AGBL1: variants seen among roughly 807,000 people sequenced by gnomAD.
AGBL1 encodes the protein cytosolic carboxypeptidase 4.
Under a neutral mutation model 118.9 loss-of-function variants are expected in AGBL1, and 130 were observed. The observed-to-expected ratio is 1.09, with a 90% CI of 0.95 to 1.26. The LOEUF is 1.26. Ranked by LOEUF, AGBL1 falls within the 50% of genes most tolerant of loss-of-function variation. The probability of loss-of-function intolerance (pLI) is 0.00; values close to 1 mark genes in which losing one functional copy is unlikely to be tolerated. For missense variants in AGBL1, 1,584 were observed against 1,298.1 expected, an observed-to-expected ratio of 1.22 and a Z score of -3.38; for synonymous variants, 555 against 478.9, an observed-to-expected ratio of 1.16 and a Z score of -2.08.
chr15:86,680,556 C>G (rs796451349), intron 22 of AGBL1, among the ~76,000 whole-genome samples: 2 of 122,124 alleles, frequency 1.6e-5, no homozygotes, highest in Admixed American at 1.7e-4. Flanking sequence ...TTCTTTCTTT[C>G]TTTCTTTTCT....
rs770144971 is a variant in AGBL1 at position 86,352,764 on chromosome 15, G to T, written c.2375-44602G>T. 2.0e-5 allele frequency among the ~76,000 whole-genome samples: 3 copies of T among 152,120 alleles called. No individual in the cohort carries two copies. In the South Asian group the frequency reaches 6.2e-4, roughly 32 times the overall value. On this transcript the variant is annotated intron_variant, in intron 17 of 22. Coordinates refer to ENST00000614907, the MANE Select transcript of AGBL1 (RefSeq NM_001386094.1). ...GCCTCCCAAAGTGCTGGGATTACAGGCTTGAGCCACCATGCCCAGCCACTT... is the reference window on the plus strand; with the variant it reads ...GCCTCCCAAAGTGCTGGGATTACAGTCTTGAGCCACCATGCCCAGCCACTT...
At chr15:87,017,022 A>C (rs2081613692) in intron 24 of AGBL1, among the ~76,000 whole-genome samples, 1 of 152,142 alleles carries the variant, frequency 6.6e-6, no homozygotes, top group South Asian at 2.1e-4. Context: ...AGCTAAATCC[A>C]GGGAGCTGAG....
chr15:86,464,580 C>A (rs2082376160), intron 18 of AGBL1, among the ~76,000 whole-genome samples: 2 of 152,130 alleles, frequency 1.3e-5, no homozygotes, highest in Admixed American at 6.5e-5. Context: ...GTGGGTTTGT[C>A]ATAAATAGCT....
At chr15:86,532,166 A>C (rs1259050805) in intron 19 of AGBL1, among the ~76,000 whole-genome samples, 4 of 149,916 alleles carry the variant, frequency 2.7e-5, no homozygotes, top group Admixed American at 2.6e-4. Context: ...GAGGAAGTCA[A>C]ATTGTCCCTG....
intron 23 of AGBL1, among the ~76,000 whole-genome samples, chr15:86,922,342 G>A (rs1855654439): frequency 6.6e-6 from 1 of 152,224 alleles, no homozygotes; most frequent in African/African-American, 2.4e-5. Context: ...CCAGGCTGGA[G>A]TGCAATGGCA....
downstream of AGBL1, among the ~76,000 whole-genome samples, chr15:87,030,227 A>G (rs571075064): frequency 1.3e-5 from 2 of 152,104 alleles, no homozygotes; most frequent in South Asian, 4.1e-4. Context: ...CAGAAATCTT[A>G]TGGTGGGCAT....
intron 18 of AGBL1, among the ~76,000 whole-genome samples, chr15:86,421,590 C>T (rs1343358603): frequency 6.6e-6 from 1 of 152,150 alleles, no homozygotes; most frequent in Non-Finnish European, 1.5e-5. Flanking sequence ...GGATCAAATT[C>T]ACACATAACA....
chr15:86,489,777 A>T (rs957923514), intron 18 of AGBL1, among the ~76,000 whole-genome samples: 5 of 151,920 alleles, frequency 3.3e-5, no homozygotes, highest in African/African-American at 1.2e-4. Context: ...AAGTTTGCTG[A>T]CCTCTGGTCT....
In AGBL1 at chr15:86,247,727, C is replaced by T. The variant is rs1334839340; in HGVS notation, c.583C>T (p.His195Tyr). ...RGYVTSLLGL[H>Y]QDWHSHDTAN... ...CTACGTCACCAGCCTGCTCGGGCTG[C>T]ACCAGGACTGGCACAGCCATGACAC... is the stretch of plus-strand genomic sequence containing the variant. Residue 195 changes from histidine to tyrosine, a missense_variant, in exon 7 of 23, where the codon CAC becomes TAC. By Grantham distance (83) the His-to-Tyr change is moderately conservative. Coordinates refer to ENST00000614907, the MANE Select transcript of AGBL1 (RefSeq NM_001386094.1). 1.9e-6 allele frequency: 3 copies of T among 1,613,708 alleles called. No homozygotes were observed. Among genetic ancestry groups the T allele is most frequent in the Non-Finnish European group, 2.5e-6 (3 of 1,179,774 alleles).
At chr15:86,799,583 A>T (rs1262025764) in intron 22 of AGBL1, among the ~76,000 whole-genome samples, 1 of 152,152 alleles carries the variant, frequency 6.6e-6, no homozygotes, top group African/African-American at 2.4e-5. Flanking sequence ...TGATATTGTG[A>T]CGGAATTATG....
intron 5 of AGBL1, among the ~76,000 whole-genome samples, chr15:86,213,387 C>T (rs951631767): frequency 1.4e-4 from 22 of 152,292 alleles, no homozygotes; most frequent in African/African-American, 5.3e-4. Context: ...GTCAGTGTTT[C>T]ACAAGTGAGA....
At position 86,712,715 on chromosome 15, in the gene AGBL1, T is replaced by A. The variant is rs868562256; in HGVS notation, c.3158+38279T>A. ...CCTGGGATACGGGCCTTTTGTAAGGTGCTGATTGGAACACAACAAGGCATC... is the reference window on the plus strand; with the variant it reads ...CCTGGGATACGGGCCTTTTGTAAGGAGCTGATTGGAACACAACAAGGCATC... On this transcript the variant is annotated intron_variant, in intron 22 of 22. Coordinates refer to ENST00000614907, the MANE Select transcript of AGBL1 (RefSeq NM_001386094.1). Among the ~76,000 whole-genome samples the A allele has an allele frequency of 2.6e-5, 4 of 152,136 alleles. No individual in the cohort carries two copies. The South Asian group carries it at 8.3e-4, about 32-fold the overall frequency.
At chr15:86,604,235 C>A (rs1223976342) in intron 21 of AGBL1, among the ~76,000 whole-genome samples, 3 of 151,772 alleles carry the variant, frequency 2.0e-5, no homozygotes, top group East Asian at 1.9e-4. Flanking sequence ...AAATTGTAGG[C>A]AATTAGATGA....
intron 18 of AGBL1, among the ~76,000 whole-genome samples, chr15:86,398,190 A>T (rs1284625358): frequency 1.3e-5 from 2 of 152,180 alleles, no homozygotes; most frequent in African/African-American, 4.8e-5. Context: ...TTCGAAATAT[A>T]TGATGGGAAA....
At chr15:86,673,927 A>AC (rs1310875813) in intron 21 of AGBL1, among the ~76,000 whole-genome samples, 4 of 151,860 alleles carry the variant, frequency 2.6e-5, no homozygotes, top group Admixed American at 6.6e-5. Flanking sequence ...GTGAAAAAAA[A>AC]CCCTTTTTAA....
chr15:86,695,414 G>C (rs556651535), intron 22 of AGBL1, among the ~76,000 whole-genome samples: 18 of 152,072 alleles, frequency 1.2e-4, no homozygotes, highest in Admixed American at 1.1e-3. Flanking sequence ...ATGATCTTTT[G>C]TATTTCTGTG....
intron 17 of AGBL1, among the ~76,000 whole-genome samples, chr15:86,368,277 G>A (rs975472958): frequency 1.9e-4 from 29 of 151,850 alleles, no homozygotes; most frequent in African/African-American, 4.8e-4. Flanking sequence ...ATTCACAGAC[G>A]GAGGGAGAGA....
In AGBL1 at chr15:86,509,579, CGATA is replaced by C. The variant is rs556175016; in HGVS notation, c.2556-13224_2556-13221del. 9.2e-5 allele frequency among the ~76,000 whole-genome samples: 14 copies of C among 152,096 alleles called. No individual in the cohort carries two copies. In the East Asian group the frequency reaches 2.7e-3, roughly 29 times the overall value. On this transcript the variant is annotated intron_variant, in intron 18 of 22. Transcript: ENST00000614907. ...ATGTCAAATTGGAGGAGAAACATTA[CGATA>C]GATAGAAGATGAGAAAAACGGTGAG...
chr15:86,871,681 C>A (rs2079730161), intron 22 of AGBL1, among the ~76,000 whole-genome samples: 1 of 152,126 alleles, frequency 6.6e-6, no homozygotes, highest in African/African-American at 2.4e-5. Context: ...GGTTTTTATT[C>A]TGGTATTGCA....
Sources: allele counts gnomAD v4.1 joint callset (sites outside exome capture counted in the v4.1 genomes callset), GRCh38; gene constraint gnomAD v4.1.1; transcripts MANE v1.5; gene names NCBI Gene and HGNC (gene_info 2026-07-23, HGNC 2026-07-21).